Variants in SHISA9 observed in about 807,000 individuals in gnomAD.
SHISA9 encodes shisa family member 9, also known as protein shisa-9.
A neutral mutation model predicts 38.0 loss-of-function variants in SHISA9; 13 were observed. That is an observed-to-expected ratio of 0.34 (90% CI 0.22 to 0.54). The LOEUF (loss-of-function observed/expected upper bound fraction) is 0.54, where lower values mean the gene tolerates loss of function less well. SHISA9 is among the 20% of genes least tolerant of loss of function. The pLI is 0.91. For missense variants in SHISA9, 538 were observed against 575.8 expected, an observed-to-expected ratio of 0.93 and a Z score of 0.67; for synonymous variants, 275 against 242.0, an observed-to-expected ratio of 1.14 and a Z score of -1.27.
At chr16:13,253,184 T>G in the SHISA9 span, among the ~76,000 whole-genome samples, 3 of 152,226 alleles carry the variant, frequency 2.0e-5, no homozygotes, top group African/African-American at 7.2e-5. Context: ...TGTTTTATTA[T>G]TAGTAGGATT....
chr16:13,186,380 C>A (rs1386664505), intron 2 of SHISA9, among the ~76,000 whole-genome samples: 1 of 146,360 alleles, frequency 6.8e-6, no homozygotes, highest in Non-Finnish European at 1.5e-5. Flanking sequence ...TCACTGCAAC[C>A]TCTGCCTACT....
the SHISA9 span, among the ~76,000 whole-genome samples, chr16:13,548,968 C>G: frequency 6.6e-6 from 1 of 152,072 alleles, no homozygotes; most frequent in Non-Finnish European, 1.5e-5. Context: ...ACCTGTATCC[C>G]ACAGTGAATG....
intron 2 of SHISA9, among the ~76,000 whole-genome samples, chr16:13,147,190 C>T (rs137876514): frequency 2.0e-5 from 3 of 152,220 alleles, no homozygotes; most frequent in East Asian, 1.9e-4. Flanking sequence ...TATGGTGACA[C>T]GGAAGAATGG....
In SHISA9 at chr16:13,203,395, T is replaced by C; in HGVS notation, c.693T>C (p.His231=). The change falls in exon 3 of 5, where the codon CAT becomes CAC. Residue 231 remains histidine, a splice_region_variant and synonymous_variant. Transcript: ENST00000558583. ...MDTRTPINNL[H]ATQMNNAVPT... ...CTCCTTCTGTGTCTTCACTTCCAGA[T>C]GCCACCCAGATGAACAACGCAGTGC... is the stretch of plus-strand genomic sequence containing the variant. 6.5e-7 allele frequency: 1 copy of C among 1,528,324 alleles called. No individual in the cohort carries two copies. The highest frequency in any genetic ancestry group is 8.8e-7 in the Non-Finnish European group (1 of 1,137,976). The allele number at this position is 1,528,324 out of a possible 1,614,324, so 94.7% of individuals were successfully genotyped here.
intron 2 of SHISA9, among the ~76,000 whole-genome samples, chr16:12,985,241 G>GTAAATAAA (rs3075032): frequency 0.092 from 13,715 of 148,946 alleles, 970 homozygotes; most frequent in African/African-American, 0.19. Context: ...AAATAAATAA[G>GTAAATAAA]TAAATAAATA....
the SHISA9 span, among the ~76,000 whole-genome samples, chr16:13,491,553 A>G: frequency 6.6e-6 from 1 of 152,008 alleles, no homozygotes; most frequent in Non-Finnish European, 1.5e-5. Context: ...AAGTGGCACC[A>G]TCTCAGCTCC....
At chr16:13,525,800 G>A in the SHISA9 span, among the ~76,000 whole-genome samples, 4 of 152,092 alleles carry the variant, frequency 2.6e-5, no homozygotes, top group Non-Finnish European at 5.9e-5. Context: ...TGTGGTTCAC[G>A]TTCCACACTT....
chr16:13,021,219 T>A (rs984864789), intron 2 of SHISA9, among the ~76,000 whole-genome samples: 3 of 152,154 alleles, frequency 2.0e-5, no homozygotes, highest in African/African-American at 7.2e-5. Flanking sequence ...TTGGAGACAT[T>A]TTTTATTGTT....
chr16:12,967,233 A>G (rs1334053298), intron 2 of SHISA9, among the ~76,000 whole-genome samples: 3 of 152,240 alleles, frequency 2.0e-5, no homozygotes, highest in Admixed American at 6.5e-5. Context: ...GCAGCCATAA[A>G]AAATGATGAG....
chr16:13,302,847 C>A, the SHISA9 span, among the ~76,000 whole-genome samples: 1 of 152,196 alleles, frequency 6.6e-6, no homozygotes, highest in Admixed American at 6.5e-5. Context: ...TTCCTCCATG[C>A]TGTTCTCATG....
chr16:13,354,881 T>C, the SHISA9 span, among the ~76,000 whole-genome samples: 2,956 of 151,856 alleles, frequency 0.019, 84 homozygotes, highest in African/African-American at 0.066. Context: ...TAGGTAACAG[T>C]TGAGGAAAAA....
intron 2 of SHISA9, among the ~76,000 whole-genome samples, chr16:13,004,579 G>A (rs2072571195): frequency 6.6e-6 from 1 of 152,010 alleles, no homozygotes; most frequent in Non-Finnish European, 1.5e-5. Flanking sequence ...ATTCATCTGG[G>A]TGAGACATAA....
At chr16:13,133,660 G>A (rs908388864) in intron 2 of SHISA9, among the ~76,000 whole-genome samples, 2 of 152,098 alleles carry the variant, frequency 1.3e-5, no homozygotes, top group East Asian at 1.9e-4. Flanking sequence ...CTCACATTTC[G>A]CCCACATTAC....
At chr16:13,533,069 A>AT in the SHISA9 span, among the ~76,000 whole-genome samples, 4 of 151,678 alleles carry the variant, frequency 2.6e-5, no homozygotes, top group Non-Finnish European at 5.9e-5. Flanking sequence ...ACATCCTCTT[A>AT]TTTTTCCAGC....
chr16:12,950,608 T>A (rs1220182572), intron 2 of SHISA9, among the ~76,000 whole-genome samples: 1 of 151,832 alleles, frequency 6.6e-6, no homozygotes, highest in East Asian at 1.9e-4. Context: ...CCATATGACC[T>A]TTTAATTTGT....
At chr16:12,930,928 C>T (rs1294512912) in intron 2 of SHISA9, among the ~76,000 whole-genome samples, 2 of 152,184 alleles carry the variant, frequency 1.3e-5, no homozygotes, top group African/African-American at 2.4e-5. Context: ...AAGCCCCAAG[C>T]CCTGGCTTAT....
At chr16:13,373,060 A>C in the SHISA9 span, among the ~76,000 whole-genome samples, 1 of 152,134 alleles carries the variant, frequency 6.6e-6, no homozygotes, top group Non-Finnish European at 1.5e-5. Flanking sequence ...CTGAAAGCAC[A>C]TATCCCGACT....
intron 2 of SHISA9, among the ~76,000 whole-genome samples, chr16:13,057,082 G>A (rs940159998): frequency 5.3e-5 from 8 of 152,178 alleles, no homozygotes; most frequent in Middle Eastern, 3.2e-3. Flanking sequence ...AATGGGCCTC[G>A]GTGCTATAGG....
At chr16:13,529,165 G>A in the SHISA9 span, among the ~76,000 whole-genome samples, 7 of 152,100 alleles carry the variant, frequency 4.6e-5, no homozygotes, top group Non-Finnish European at 8.8e-5. Flanking sequence ...AATAGCAATC[G>A]TAAGACTGAT....
Sources: allele counts gnomAD v4.1 joint callset (sites outside exome capture counted in the v4.1 genomes callset), GRCh38; gene constraint gnomAD v4.1.1; transcripts MANE v1.5; gene names NCBI Gene and HGNC (gene_info 2026-07-23, HGNC 2026-07-21).